IFNAR2: variants seen among roughly 807,000 people sequenced by gnomAD.
IFNAR2 encodes the protein interferon alpha and beta receptor subunit 2.
Under a neutral mutation model 49.4 loss-of-function variants are expected in IFNAR2, and 30 were observed. The observed-to-expected ratio is 0.61, with a 90% confidence interval of 0.45 to 0.82. IFNAR2 has a LOEUF of 0.82. Ranked by LOEUF, IFNAR2 falls within the 40% of genes least tolerant of loss-of-function variation. The pLI is 0.00. For missense variants in IFNAR2, 600 were observed against 622.7 expected (o/e 0.96, Z 0.39); for synonymous variants, 224 against 234.5 (o/e 0.96, Z 0.41).
At chr21:33,247,083 G>T (rs949545935) in intron 5 of IFNAR2, among the ~76,000 whole-genome samples, 193 bp downstream of exon 5, 4 of 152,124 alleles carry the variant, frequency 2.6e-5, no homozygotes, top group African/African-American at 9.7e-5. Context: ...AATCTGAAAA[G>T]TGGAATGATA....
intron 5 of IFNAR2, 97 bp from the exon 6 acceptor site, chr21:33,248,612 G>A: frequency 8.5e-7 from 1 of 1,181,858 alleles, no homozygotes; most frequent in Non-Finnish European, 1.2e-6. Flanking sequence ...GGACTTGGCA[G>A]ATTTTCTATA....
intron 7 of IFNAR2, among the ~76,000 whole-genome samples, chr21:33,256,715 G>A (rs1988230312): frequency 6.6e-6 from 1 of 152,198 alleles, no homozygotes; most frequent in Non-Finnish European, 1.5e-5. Context: ...TTGGGGGCCT[G>A]TTATGAGCCA....
intron 1 of IFNAR2, among the ~76,000 whole-genome samples, chr21:33,231,536 G>A (rs17860249): frequency 0.024 from 3,700 of 152,262 alleles, 60 homozygotes; most frequent in South Asian, 0.055. Context: ...TCAAAAAGTA[G>A]TATGAAAAGG....
chr21:33,230,265 C>T lies in IFNAR2; in HGVS notation c.-84+49C>T, dbSNP rs1985940183. On this transcript the variant is annotated intron_variant, in intron 1 of 8. Transcript: ENST00000342136. This position sits in a 1 kb window ranked among gnomAD's most constrained non-coding sequence, Gnocchi z 5.5. ...GGGAGCGGAGCGCGTGGCCAGCTGA[C>T]TGGAGGGAAAACGCCGCCTCCCTGC... is the stretch of plus-strand genomic sequence containing the variant. 9.1e-7 allele frequency: 1 copy of T among 1,104,660 alleles called. No individual in the cohort carries two copies. Among genetic ancestry groups the T allele is most frequent in the Non-Finnish European group, 1.1e-6 (1 of 897,116 alleles). 68.4% of individuals were successfully genotyped at this position (1,104,660 alleles called of 1,614,324 possible).
intron 1 of IFNAR2, among the ~76,000 whole-genome samples, chr21:33,240,769 T>A (rs113667854): frequency 5.1e-5 from 3 of 58,860 alleles, no homozygotes; most frequent in Admixed American, 1.8e-4. Flanking sequence ...GAGCCATGAT[T>A]GCACCACTGG....
chr21:33,260,020 T>G (rs1241450772), intron 7 of IFNAR2, among the ~76,000 whole-genome samples: 3 of 152,348 alleles, frequency 2.0e-5, no homozygotes, highest in East Asian at 3.9e-4. Context: ...CTGGTCGCAC[T>G]TCAGGAAAAT....
rs62227991 is a variant in IFNAR2 at position 33,262,789 on chromosome 21, T to A, written c.841-4T>A. 1.2e-5 allele frequency: 18 copies of A among 1,560,904 alleles called. No individual in the cohort carries two copies. The Admixed American group carries it at 2.5e-4, about 22-fold the overall frequency. On this transcript the variant is annotated splice_polypyrimidine_tract_variant and splice_region_variant and intron_variant, in intron 8 of 8. Coordinates refer to ENST00000342136, the MANE Select transcript of IFNAR2 (RefSeq NM_001289125.3). ...CTCTCTCTCTCTTTTTTTTTTTTTT[T>A]AAGAATTTTCATAACTTTTTAGCCT...
Position 33,264,915 on chromosome 21 carries a change from C to T in IFNAR2, c.*1415C>T, listed in dbSNP as rs1410009513. The T allele has an allele frequency of 2.0e-5, 3 of 152,304 alleles. No individual in the cohort carries two copies. The highest frequency in any genetic ancestry group is 7.2e-5 in the African/African-American group (3 of 41,408). 9.4% of individuals were successfully genotyped at this position (152,304 alleles called of 1,614,324 possible). A position where few individuals can be genotyped will look rare whatever the true frequency, so the allele number is the denominator to read the frequency against. On this transcript the variant is annotated 3_prime_UTR_variant, in exon 9 of 9. Coordinates refer to ENST00000342136, the MANE Select transcript of IFNAR2 (RefSeq NM_001289125.3). The stretch of plus-strand genomic sequence containing the variant: ...CTGAGGTGGGAGAATGGCTTGAGCC[C>T]AGGAAGCGGAGGTTGCAGTGAGCCA...
chr21:33,260,515 A>G (rs1988490621), intron 7 of IFNAR2, 82 bp from the exon 8 acceptor site: 3 of 1,322,088 alleles, frequency 2.3e-6, no homozygotes, highest in Middle Eastern at 2.3e-4. Context: ...ATCTTGTAAC[A>G]CCAGGCCAAT....
At chr21:33,236,556 C>G (rs542479057) in intron 1 of IFNAR2, among the ~76,000 whole-genome samples, 1 of 152,310 alleles carries the variant, frequency 6.6e-6, no homozygotes, top group East Asian at 1.9e-4. Context: ...GGAGTGCTGG[C>G]CCTGACCTCT....
chr21:33,260,330 T>G (rs1263059692), intron 7 of IFNAR2, among the ~76,000 whole-genome samples: 6 of 152,222 alleles, frequency 3.9e-5, no homozygotes, highest in Non-Finnish European at 8.8e-5. Context: ...TTCAGCCAGC[T>G]GCAGCCAGTG....
At position 33,231,765 on chromosome 21, in the gene IFNAR2, A is replaced by G. The variant is rs1986080703; in HGVS notation, c.-84+1549A>G. ...GGTTTGGTTTGGTTTGGTTTTTGAC[A>G]AAGTCTCGCTCTGTCGCGCAGGCTG... On this transcript the variant is annotated intron_variant, in intron 1 of 8. Coordinates refer to ENST00000342136, the MANE Select transcript of IFNAR2 (RefSeq NM_001289125.3). The G allele has an allele frequency of 3.5e-6, 3 of 846,310 alleles. No homozygotes were observed. The African/African-American group carries it at 5.6e-5, about 16-fold the overall frequency. The allele number at this position is 846,310 out of a possible 1,614,324, so 52.4% of individuals were successfully genotyped here.
At chr21:33,239,180 A>T (rs1348042924) in intron 1 of IFNAR2, among the ~76,000 whole-genome samples, 1 of 151,998 alleles carries the variant, frequency 6.6e-6, no homozygotes, top group African/African-American at 2.4e-5. Context: ...CCCACTGTTT[A>T]GTTGGCCCAG....
chr21:33,262,904 TATG>T lies in IFNAR2; in HGVS notation c.960_962del (p.Asp320del). The T allele has an allele frequency of 5.0e-6, 8 of 1,614,080 alleles. No homozygotes were observed. Among genetic ancestry groups the T allele is most frequent in the East Asian group, 2.2e-5 (1 of 44,882 alleles). On this transcript the variant is annotated inframe_deletion, in exon 9 of 9. Coordinates refer to ENST00000342136, the MANE Select transcript of IFNAR2 (RefSeq NM_001289125.3). ...AAAGAAGAAAGTGTGGGATTATAAT[TATG>T]ATGATGAAAGTGATAGCGATACTGA...
chr21:33,247,007 T>G, intron 5 of IFNAR2, 117 bp downstream of exon 5: 1 of 766,600 alleles, frequency 1.3e-6, no homozygotes, highest in East Asian at 2.7e-5. Context: ...GGCTCACCTC[T>G]TGGCCCTGCC....
intron 7 of IFNAR2, among the ~76,000 whole-genome samples, chr21:33,257,301 G>A (rs1988271528): frequency 6.6e-6 from 1 of 152,192 alleles, no homozygotes; most frequent in African/African-American, 2.4e-5. Context: ...TTCCTGGTGA[G>A]CGTTAACAGC....
chr21:33,236,515 A>T (rs1411672314), intron 1 of IFNAR2, among the ~76,000 whole-genome samples: 1 of 151,840 alleles, frequency 6.6e-6, no homozygotes, highest in East Asian at 1.9e-4. Flanking sequence ...CCAGCCAGTC[A>T]CCCTCTGACT....
intron 1 of IFNAR2, among the ~76,000 whole-genome samples, chr21:33,240,679 G>T (rs1259908267): frequency 2.0e-5 from 3 of 152,060 alleles, no homozygotes; most frequent in Admixed American, 2.0e-4. Context: ...GCCGGTGTGT[G>T]ATGACACATA....
chr21:33,241,812 G>T, intron 1 of IFNAR2, 28 bp from the exon 2 acceptor site: 1 of 1,528,740 alleles, frequency 6.5e-7, no homozygotes, highest in Non-Finnish European at 8.8e-7. Context: ...TCATTATCTT[G>T]TCTTTGCTCC....
Sources: gnomAD v4.1 joint callset for allele counts (sites outside exome capture counted in the v4.1 genomes callset) on GRCh38, gnomAD v4.1.1 for gene constraint, Gnocchi (gnomAD v3.1) non-coding constraint, MANE v1.5 for transcripts, NCBI Gene and HGNC (gene_info 2026-07-23, HGNC 2026-07-21) for gene names.